CLSTN2: variants seen among roughly 807,000 people sequenced by gnomAD.
CLSTN2 encodes the protein calsyntenin 2.
A neutral mutation model predicts 101.2 loss-of-function variants in CLSTN2; 48 were observed. The ratio of observed to expected loss-of-function variants is 0.47; its 90% CI spans 0.38 to 0.60. The LOEUF is 0.60. Among genes scored for constraint, CLSTN2 ranks in the 20% least tolerant of loss-of-function variants. The pLI is 0.00. For missense variants in CLSTN2, 1,160 were observed against 1,238.2 expected, an observed-to-expected ratio of 0.94 and a Z score of 0.95; for synonymous variants, 481 against 463.6, an observed-to-expected ratio of 1.04 and a Z score of -0.48.
chr3:140,164,429 G>A (rs1444742684), intron 1 of CLSTN2, among the ~76,000 whole-genome samples: 1 of 152,170 alleles, frequency 6.6e-6, no homozygotes, highest in Non-Finnish European at 1.5e-5. Flanking sequence ...CAATGAGCCA[G>A]CTCTAACTCA....
chr3:140,430,687 T>C (rs568881004), intron 5 of CLSTN2, among the ~76,000 whole-genome samples: 1 of 152,304 alleles, frequency 6.6e-6, no homozygotes, highest in African/African-American at 2.4e-5. Flanking sequence ...ATTAGATGCG[T>C]AGCAAAGCCT....
intron 1 of CLSTN2, among the ~76,000 whole-genome samples, chr3:140,158,799 C>A (rs2009999338): frequency 6.6e-6 from 1 of 152,064 alleles, no homozygotes; most frequent in Non-Finnish European, 1.5e-5. Context: ...CTGCAGTAAC[C>A]AAAACAGCAT....
chr3:140,222,855 T>C (rs1052506182), intron 2 of CLSTN2, among the ~76,000 whole-genome samples: 3 of 129,170 alleles, frequency 2.3e-5, no homozygotes, highest in African/African-American at 9.1e-5. Context: ...CCCATAGAAA[T>C]TGAAAATTAA....
At chr3:140,159,317 T>C (rs1188393516) in intron 1 of CLSTN2, among the ~76,000 whole-genome samples, 1 of 151,962 alleles carries the variant, frequency 6.6e-6, no homozygotes. Context: ...AGGAACTTAA[T>C]AATTTAACAA....
rs147637447 is a variant in CLSTN2, at chr3:140,376,924, A to G, written c.233-26705A>G. Among the ~76,000 whole-genome samples the G allele has an allele frequency of 1.6e-3, 249 of 152,330 alleles. 1 individual carries two copies. The highest frequency in any genetic ancestry group is 5.7e-3 in the African/African-American group (239 of 41,574). On this transcript the variant is annotated intron_variant, in intron 2 of 16. Transcript: ENST00000458420. ...TGAAGGAAAGGAACATACTTTTGCT[A>G]TAGGTACTCCCTTGTCTTTTTCCCT... is the stretch of plus-strand genomic sequence containing the variant.
At position 140,562,110 on chromosome 3, in the gene CLSTN2, T is replaced by C. The variant is rs1935927083; in HGVS notation, c.2042-28T>C. The C allele has an allele frequency of 3.7e-6, 6 of 1,607,788 alleles. No individual in the cohort carries two copies. In the East Asian group the frequency reaches 1.3e-4, roughly 36 times the overall value. The stretch of plus-strand genomic sequence containing the variant: ...TGTTTTCTGAGCTGTCCTTCATGCC[T>C]GCATTTCCCATGTCTGTCTTCCTAC... On this transcript the variant is annotated intron_variant, in intron 12 of 16. Coordinates refer to ENST00000458420, the MANE Select transcript of CLSTN2 (RefSeq NM_022131.3).
chr3:140,131,641 C>T (rs2009524623), intron 1 of CLSTN2, among the ~76,000 whole-genome samples: 1 of 152,068 alleles, frequency 6.6e-6, no homozygotes, highest in Non-Finnish European at 1.5e-5. Flanking sequence ...TATAATTCTG[C>T]TTCTACTTGA....
At chr3:140,517,493 T>G (rs776303347) in intron 8 of CLSTN2, among the ~76,000 whole-genome samples, 71 of 152,196 alleles carry the variant, frequency 4.7e-4, no homozygotes, top group Admixed American at 7.9e-4. Context: ...GTTCAGATTT[T>G]TTTGTCCCAA....
At chr3:140,327,703 A>G (rs2087345368) in intron 2 of CLSTN2, among the ~76,000 whole-genome samples, 1 of 152,194 alleles carries the variant, frequency 6.6e-6, no homozygotes, top group South Asian at 2.1e-4. Flanking sequence ...TGTCAAGTGA[A>G]TGTAACTGCA....
intron 2 of CLSTN2, among the ~76,000 whole-genome samples, chr3:140,249,770 G>C (rs777228442): frequency 5.3e-5 from 8 of 152,106 alleles, no homozygotes; most frequent in African/African-American, 7.2e-5. Context: ...TACCATTCTT[G>C]GAAACTACTG....
intron 4 of CLSTN2, among the ~76,000 whole-genome samples, chr3:140,410,074 A>G (rs2088346030): frequency 6.6e-6 from 1 of 152,122 alleles, no homozygotes; most frequent in South Asian, 2.1e-4. Context: ...AAGAGAGCTT[A>G]TATTCATGTT....
chr3:140,392,616 C>T (rs1360817011), intron 2 of CLSTN2, among the ~76,000 whole-genome samples: 1 of 152,092 alleles, frequency 6.6e-6, no homozygotes, highest in Non-Finnish European at 1.5e-5. Context: ...CACATTCTGG[C>T]TAGTGGCTTC....
At chr3:140,166,042 C>T (rs1354161936) in intron 1 of CLSTN2, among the ~76,000 whole-genome samples, 1 of 152,146 alleles carries the variant, frequency 6.6e-6, no homozygotes, top group African/African-American at 2.4e-5. Context: ...CTCTGCCTAT[C>T]TACTCTCAAA....
At chr3:140,332,086 GGC>G (rs1156929440) in intron 2 of CLSTN2, among the ~76,000 whole-genome samples, 1 of 152,118 alleles carries the variant, frequency 6.6e-6, no homozygotes, top group Non-Finnish European at 1.5e-5. Flanking sequence ...GAAGCACAGG[GGC>G]TCTGGGAGCC....
At chr3:140,486,853 T>C (rs1018244935) in intron 8 of CLSTN2, among the ~76,000 whole-genome samples, 1 of 152,204 alleles carries the variant, frequency 6.6e-6, no homozygotes, top group African/African-American at 2.4e-5. Context: ...CCAGAGTTGC[T>C]TATTTGGCAT....
chr3:140,138,130 A>G (rs1049877804), intron 1 of CLSTN2, among the ~76,000 whole-genome samples: 7 of 152,204 alleles, frequency 4.6e-5, no homozygotes, highest in African/African-American at 1.4e-4. Context: ...GAGACGTGAC[A>G]TCTCTCCACA....
intron 1 of CLSTN2, among the ~76,000 whole-genome samples, chr3:140,030,759 GT>G (rs935619091): frequency 1.2e-4 from 18 of 152,174 alleles, no homozygotes; most frequent in African/African-American, 4.1e-4. Flanking sequence ...CCTTCATATA[GT>G]TTTGGAATTG....
intron 8 of CLSTN2, among the ~76,000 whole-genome samples, chr3:140,529,895 TA>T (rs1935219001): frequency 6.6e-6 from 1 of 152,224 alleles, no homozygotes; most frequent in South Asian, 2.1e-4. Context: ...GTCCCTTTTA[TA>T]GTAACAGGAT....
rs764108255 is a variant in CLSTN2 at position 140,566,091 on chromosome 3, G to A, written c.2706G>A (p.Glu902=). Residue 902 remains glutamate (E), a synonymous_variant, in exon 17 of 17, where the codon GAG becomes GAA. Coordinates refer to ENST00000458420, the MANE Select transcript of CLSTN2 (RefSeq NM_022131.3). ...CAGGGCATGGGGAAGATGAGACTGA[G>A]GGAGAAGAGGAGGAAGAAGCCGAGG... ...EGPGHGEDET[E]GEEEEEAEEE... 7 of 1,613,206 alleles carry A rather than the reference G, an allele frequency of 4.3e-6. No individual in the cohort carries two copies. The highest frequency in any genetic ancestry group is 5.1e-6 in the Non-Finnish European group (6 of 1,179,288).
Sources: allele counts gnomAD v4.1 joint callset (sites outside exome capture counted in the v4.1 genomes callset), GRCh38; gene constraint gnomAD v4.1.1; transcripts MANE v1.5; gene names NCBI Gene and HGNC (gene_info 2026-07-23, HGNC 2026-07-21).